MAGI2: variants seen among roughly 807,000 people sequenced by gnomAD.
MAGI2 encodes the protein membrane associated guanylate kinase, WW and PDZ domain containing 2.
A neutral mutation model predicts 133.3 loss-of-function variants in MAGI2; 35 were observed. The ratio of observed to expected loss-of-function variants is 0.26; its 90% CI spans 0.20 to 0.35. The LOEUF is 0.35. Among genes scored for constraint, MAGI2 ranks in the 10% least tolerant of loss-of-function variants. The pLI, the probability that MAGI2 is intolerant of heterozygous loss-of-function variation, is 1.00. For synonymous variants in MAGI2, 729 were observed against 710.6 expected (o/e 1.03, Z -0.41); for missense variants, 1,636 against 1,863.4 (o/e 0.88, Z 2.25).
At chr7:79,125,334 CTT>C (rs1820313451) in intron 1 of MAGI2, 1 of 469,770 alleles carries the variant, frequency 2.1e-6, no homozygotes, top group Non-Finnish European at 4.1e-6. Context: ...GTTCTGGAAA[CTT>C]TGGTGGTGGT....
At chr7:78,958,994 C>T (rs1322849969) in intron 2 of MAGI2, among the ~76,000 whole-genome samples, 1 of 152,090 alleles carries the variant, frequency 6.6e-6, no homozygotes, top group Admixed American at 6.5e-5. Flanking sequence ...GGTGGGGTGC[C>T]TCTGAGCTTC....
chr7:79,191,836 T>C (rs1827701967), intron 1 of MAGI2, among the ~76,000 whole-genome samples: 1 of 151,838 alleles, frequency 6.6e-6, no homozygotes, highest in South Asian at 2.1e-4. Flanking sequence ...TATTTCCTTA[T>C]TAAATTACCT....
chr7:79,164,864 G>A (rs1824767238), intron 1 of MAGI2, among the ~76,000 whole-genome samples: 2 of 152,056 alleles, frequency 1.3e-5, no homozygotes, highest in African/African-American at 4.8e-5. Context: ...ATATGTCACA[G>A]CCCATGGTCA....
intron 10 of MAGI2, among the ~76,000 whole-genome samples, chr7:78,219,244 T>C (rs1788567831): frequency 6.6e-6 from 1 of 152,168 alleles, no homozygotes; most frequent in African/African-American, 2.4e-5. Flanking sequence ...TAGTGCTGTG[T>C]TTCTAAGCCT....
intron 1 of MAGI2, among the ~76,000 whole-genome samples, chr7:79,317,018 T>C (rs1338075620): frequency 1.4e-5 from 2 of 145,858 alleles, no homozygotes; most frequent in Admixed American, 1.4e-4. Context: ...TTTTTCTTTT[T>C]CTTTTTTTTT....
At chr7:78,350,824 C>T (rs913233766) in intron 7 of MAGI2, among the ~76,000 whole-genome samples, 1 of 152,164 alleles carries the variant, frequency 6.6e-6, no homozygotes, top group African/African-American at 2.4e-5. Context: ...GTTATCAAAG[C>T]CATTCCCCGA....
chr7:78,670,185 C>T (rs1183773226), intron 2 of MAGI2, among the ~76,000 whole-genome samples: 1 of 151,952 alleles, frequency 6.6e-6, no homozygotes, highest in East Asian at 1.9e-4. Flanking sequence ...ATTGTCTCAG[C>T]CCAAAATCTT....
At chr7:78,753,421 T>A (rs10953686) in intron 2 of MAGI2, among the ~76,000 whole-genome samples, 25,404 of 151,940 alleles carry the variant, frequency 0.17, 2,495 homozygotes, top group African/African-American at 0.26. Flanking sequence ...ACTTTAAGTC[T>A]TAAAAAAATC....
At chr7:78,914,936 C>T (rs933775458) in intron 2 of MAGI2, among the ~76,000 whole-genome samples, 1 of 152,040 alleles carries the variant, frequency 6.6e-6, no homozygotes, top group African/African-American at 2.4e-5. Context: ...TCCTTGGAAA[C>T]TATCAGAATA....
chr7:78,503,609 C>T (rs1482277072), intron 4 of MAGI2, among the ~76,000 whole-genome samples: 2 of 108,844 alleles, frequency 1.8e-5, no homozygotes, highest in Non-Finnish European at 3.9e-5. Context: ...TCCTTCTCCC[C>T]CTCCTTCCCC....
At chr7:78,981,108 A>G (rs1804746766) in intron 2 of MAGI2, among the ~76,000 whole-genome samples, 1 of 151,574 alleles carries the variant, frequency 6.6e-6, no homozygotes, top group Admixed American at 6.6e-5. Context: ...TATGTATACT[A>G]GTACAAATGT....
At chr7:78,815,508 CT>C (rs35547999) in intron 2 of MAGI2, among the ~76,000 whole-genome samples, 189 of 148,968 alleles carry the variant, frequency 1.3e-3, no homozygotes, top group African/African-American at 4.0e-3. Flanking sequence ...GCTTATTGTA[CT>C]TTTTTTTTTA....
chr7:79,192,876 T>C (rs1253967914), intron 1 of MAGI2, among the ~76,000 whole-genome samples: 1 of 151,826 alleles, frequency 6.6e-6, no homozygotes, highest in African/African-American at 2.4e-5. Flanking sequence ...GAACAATATG[T>C]TGGGGGAGAG....
Position 79,291,305 on chromosome 7 carries a change from C to T in MAGI2, c.301+161715G>A, listed in dbSNP as rs1460803017. On this transcript the variant is annotated intron_variant, in intron 1 of 21. Coordinates refer to ENST00000354212, the MANE Select transcript of MAGI2 (RefSeq NM_012301.4). ...GTATGTATAAACCACACAATTTATC[C>T]ATTCATCCATTGATGGACATTTGGG... Among the ~76,000 whole-genome samples, 4 of 151,936 alleles carry T rather than the reference C, an allele frequency of 2.6e-5. No homozygotes were observed. In the East Asian group the frequency reaches 7.7e-4, roughly 29 times the overall value.
At chr7:78,377,433 A>G (rs1011541110) in intron 6 of MAGI2, among the ~76,000 whole-genome samples, 7 of 152,148 alleles carry the variant, frequency 4.6e-5, no homozygotes, top group African/African-American at 1.4e-4. Context: ...CTGCTTGATT[A>G]GAACACAAGT....
intron 1 of MAGI2, among the ~76,000 whole-genome samples, chr7:79,090,599 GAATTA>G (rs1303467423): frequency 1.3e-5 from 2 of 152,090 alleles, no homozygotes; most frequent in African/African-American, 4.8e-5. Flanking sequence ...ACAAAGGAAT[GAATTA>G]AATTAAGTAC....
intron 9 of MAGI2, among the ~76,000 whole-genome samples, chr7:78,342,353 T>C (rs1790474773): frequency 6.6e-6 from 1 of 152,306 alleles, no homozygotes; most frequent in South Asian, 2.1e-4. Context: ...GCTTTTACAC[T>C]GTTGGTGGGA....
chr7:79,073,055 A>G (rs191200552), intron 1 of MAGI2, among the ~76,000 whole-genome samples: 1 of 152,186 alleles, frequency 6.6e-6, no homozygotes, highest in Admixed American at 6.5e-5. Flanking sequence ...ACAACAACAA[A>G]AAAAACAAAG....
chr7:78,871,402 A>G (rs1795020845), intron 2 of MAGI2, among the ~76,000 whole-genome samples: 1 of 152,150 alleles, frequency 6.6e-6, no homozygotes, highest in Non-Finnish European at 1.5e-5. Flanking sequence ...TTCACTGCTC[A>G]GGTGATGGGT....
Sources: gnomAD v4.1 joint callset for allele counts (sites outside exome capture counted in the v4.1 genomes callset) on GRCh38, gnomAD v4.1.1 for gene constraint, MANE v1.5 for transcripts, NCBI Gene and HGNC (gene_info 2026-07-23, HGNC 2026-07-21) for gene names.